TCF12: variants seen among roughly 807,000 people sequenced by gnomAD.
TCF12 encodes transcription factor 12.
Under a neutral mutation model 86.0 loss-of-function variants are expected in TCF12, and 45 were observed. The ratio of observed to expected loss-of-function variants is 0.52; its 90% CI spans 0.41 to 0.67. The LOEUF is 0.67. TCF12 is among the 30% of genes least tolerant of loss of function. The pLI is 0.00. For synonymous variants in TCF12, 330 were observed against 299.6 expected (o/e 1.10, Z -1.05); for missense variants, 881 against 859.9 (o/e 1.02, Z -0.31).
chr15:57,155,304 G>A (rs184131715), intron 5 of TCF12, among the ~76,000 whole-genome samples: 1 of 152,096 alleles, frequency 6.6e-6, no homozygotes, highest in Admixed American at 6.5e-5. Flanking sequence ...GTTATAATGA[G>A]TTAATATGTA....
intron 5 of TCF12, among the ~76,000 whole-genome samples, chr15:57,133,619 A>G (rs951924888): frequency 4.9e-5 from 6 of 123,608 alleles, no homozygotes; most frequent in African/African-American, 2.3e-4. Context: ...GGTCTGCAGT[A>G]ATGTGTTTTT....
chr15:57,212,314 C>T (rs1273867735), intron 8 of TCF12, among the ~76,000 whole-genome samples: 2 of 152,074 alleles, frequency 1.3e-5, no homozygotes, highest in Non-Finnish European at 2.9e-5. Context: ...GAGACGGTCT[C>T]TCTCTGTCAC....
chr15:57,112,544 A>T (rs1424622815), intron 5 of TCF12, among the ~76,000 whole-genome samples: 1 of 152,204 alleles, frequency 6.6e-6, no homozygotes, highest in Non-Finnish European at 1.5e-5. Flanking sequence ...TCTAAGGAGT[A>T]TAGCAGTTGA....
At chr15:57,158,751 T>A (rs1261384835) in intron 5 of TCF12, among the ~76,000 whole-genome samples, 1 of 152,210 alleles carries the variant, frequency 6.6e-6, no homozygotes, top group Non-Finnish European at 1.5e-5. Flanking sequence ...CTAATCTCAC[T>A]CACACTTGGC....
chr15:57,223,662 T>TTTTTGTTTTTTTG (rs1566940930), intron 8 of TCF12, among the ~76,000 whole-genome samples: 1 of 141,466 alleles, frequency 7.1e-6, no homozygotes, highest in Non-Finnish European at 1.6e-5. Flanking sequence ...TTTTTTTTTT[T>TTTTTGTTTTTTTG]TTTTTTTTTA....
intron 3 of TCF12, among the ~76,000 whole-genome samples, chr15:57,018,925 T>C (rs2065310317): frequency 1.3e-5 from 2 of 152,200 alleles, no homozygotes. Context: ...TGTGCTGAGA[T>C]GTGTTGATAA....
chr15:57,077,967 T>C (rs531418111), intron 4 of TCF12, among the ~76,000 whole-genome samples: 75 of 152,302 alleles, frequency 4.9e-4, no homozygotes, highest in African/African-American at 1.7e-3. Flanking sequence ...GGAAATATAG[T>C]ATTATTCGAT....
chr15:56,986,960 G>C (rs566746552), intron 3 of TCF12, among the ~76,000 whole-genome samples: 1 of 152,170 alleles, frequency 6.6e-6, no homozygotes, highest in Non-Finnish European at 1.5e-5. Flanking sequence ...ATTTATTGAA[G>C]ATCTTTGGCT....
intron 3 of TCF12, among the ~76,000 whole-genome samples, chr15:57,007,865 CCT>C: frequency 1.7e-4 from 2 of 11,928 alleles, no homozygotes; most frequent in African/African-American, 4.4e-4. Context: ...TTCCTTCCTT[CCT>C]TCCTTCCTTC....
rs2061328433 is a variant in TCF12, at chr15:57,275,327, G to GGGGTGTGTGTGTGTGTGTGTGTGT, written c.1978+2066_1978+2067insGGTGTGTGTGTGTGTGTGTGTGTG. 3.4e-4 allele frequency among the ~76,000 whole-genome samples: 22 copies of GGGGTGTGTGTGTGTGTGTGTGTGT among 64,080 alleles called. No individual in the cohort carries two copies. The Admixed American group carries it at 3.6e-3, about 10-fold the overall frequency. 42.0% of individuals were successfully genotyped at this position (64,080 alleles called of 152,430 possible). A position where few individuals can be genotyped will look rare whatever the true frequency, so the allele number is the denominator to read the frequency against. ...AGCCCAGGGATCTTTGTAAGGTAGGGGTGTGTGTGTGTGTGTGTGTGTGTG... is the reference window on the plus strand; with the variant it reads ...AGCCCAGGGATCTTTGTAAGGTAGGGGGGTGTGTGTGTGTGTGTGTGTGTGTGTGTGTGTGTGTGTGTGTGTGTG... On this transcript the variant is annotated intron_variant, in intron 19 of 20. Transcript: ENST00000333725.
intron 5 of TCF12, among the ~76,000 whole-genome samples, chr15:57,146,393 G>A (rs2053365935): frequency 6.6e-6 from 1 of 152,000 alleles, no homozygotes; most frequent in Non-Finnish European, 1.5e-5. Context: ...TTTTCACCAT[G>A]TTACAGAGTA....
chr15:57,250,611 C>G (rs551777241), intron 13 of TCF12, among the ~76,000 whole-genome samples: 1 of 152,156 alleles, frequency 6.6e-6, no homozygotes, highest in South Asian at 2.1e-4. Flanking sequence ...TGCCTGTAAT[C>G]CCAGCTACTT....
chr15:57,222,239 T>C (rs1313760641), intron 8 of TCF12, among the ~76,000 whole-genome samples: 1 of 151,524 alleles, frequency 6.6e-6, no homozygotes, highest in Non-Finnish European at 1.5e-5. Flanking sequence ...TTTTTTTTTT[T>C]TAGTTTTCGA....
rs547879907 is a variant in TCF12 at position 57,038,334 on chromosome 15, A to G, written c.149-25416A>G. On this transcript the variant is annotated intron_variant, in intron 3 of 20. Coordinates refer to ENST00000333725, the MANE Select transcript of TCF12 (RefSeq NM_207037.2). ...TCCAAGCTACTCAGGGGGCTGAGAC[A>G]GGGGGATTGCTTGAGCCCAGGAGTT... Among the ~76,000 whole-genome samples the G allele has an allele frequency of 6.6e-5, 10 of 152,058 alleles. No individual in the cohort carries two copies. The East Asian group carries it at 1.4e-3, about 21-fold the overall frequency.
At chr15:57,128,229 G>A (rs1320121319) in intron 5 of TCF12, among the ~76,000 whole-genome samples, 1 of 152,124 alleles carries the variant, frequency 6.6e-6, no homozygotes, top group Admixed American at 6.6e-5. Context: ...CTATAAACAT[G>A]TAATTGTACT....
intron 3 of TCF12, among the ~76,000 whole-genome samples, chr15:56,992,135 G>A (rs1406687112): frequency 6.6e-6 from 1 of 151,816 alleles, no homozygotes; most frequent in African/African-American, 2.4e-5. Flanking sequence ...GTTGGGCATG[G>A]TGATGTATGC....
At chr15:57,204,907 A>G (rs1289531670) in intron 8 of TCF12, among the ~76,000 whole-genome samples, 3 of 152,216 alleles carry the variant, frequency 2.0e-5, no homozygotes, top group African/African-American at 7.2e-5. Flanking sequence ...AGAAACTGAT[A>G]GCTCCAATTT....
intron 8 of TCF12, among the ~76,000 whole-genome samples, chr15:57,221,503 G>C (rs1021921022): frequency 6.6e-6 from 1 of 151,464 alleles, no homozygotes; most frequent in Admixed American, 6.6e-5. Flanking sequence ...GGAAAGCACA[G>C]GTTACTGTAT....
intron 3 of TCF12, among the ~76,000 whole-genome samples, chr15:56,981,527 T>C (rs1367249212): frequency 3.3e-5 from 5 of 152,138 alleles, no homozygotes; most frequent in Admixed American, 6.6e-5. Flanking sequence ...CACTGTGGCA[T>C]TGGGGATTAA....
Sources: gnomAD v4.1 joint callset for allele counts (sites outside exome capture counted in the v4.1 genomes callset) on GRCh38, gnomAD v4.1.1 for gene constraint, MANE v1.5 for transcripts, NCBI Gene and HGNC (gene_info 2026-07-23, HGNC 2026-07-21) for gene names.